The following PPP2CA variants were observed in gnomAD, a reference collection of about 807,000 sequenced individuals.
PPP2CA encodes serine/threonine-protein phosphatase 2A catalytic subunit alpha isoform.
A neutral mutation model predicts 38.8 loss-of-function variants in PPP2CA; 5 were observed. The observed-to-expected ratio is 0.13, with a 90% CI of 0.07 to 0.27. The LOEUF (loss-of-function observed/expected upper bound fraction) is 0.27. Ranked by LOEUF, PPP2CA falls within the 10% of genes least tolerant of loss-of-function variation. The pLI is 1.00. For missense variants in PPP2CA, 88 were observed against 389.7 expected (o/e 0.23, Z 6.52); for synonymous variants, 152 against 134.0 (o/e 1.13, Z -0.93).
Position 134,196,078 on chromosome 5 carries a change from A to G in PPP2CA, c.*1694T>C, listed in dbSNP as rs1047446795. On this transcript the variant is annotated 3_prime_UTR_variant, in exon 7 of 7. Transcript: ENST00000481195. ...ACAGAGAATGTATTTCTTGTGAAAG[A>G]AAAGAATGAAATGAAATGAAATGTA... is the stretch of plus-strand genomic sequence containing the variant. The G allele has an allele frequency of 5.3e-5, 8 of 152,238 alleles. No individual in the cohort carries two copies. The highest frequency in any genetic ancestry group is 1.7e-4 in the African/African-American group (7 of 41,456). The allele number at this position is 152,238 out of a possible 1,614,324, so 9.4% of individuals were successfully genotyped here.
intron 1 of PPP2CA, among the ~76,000 whole-genome samples, chr5:134,214,266 C>T (rs1039758452): frequency 6.6e-6 from 1 of 152,202 alleles, no homozygotes; most frequent in Non-Finnish European, 1.5e-5. Context: ...CCCACACAGA[C>T]CTCTTACTTA....
chr5:134,225,600 G>C, intron 1 of PPP2CA, 160 bp downstream of exon 1: 4 of 554,440 alleles, frequency 7.2e-6, no homozygotes, highest in South Asian at 2.5e-5. Context: ...AGGGGGCGCC[G>C]GGTCGTTAGG....
Position 134,201,136 on chromosome 5 carries a change from G to T in PPP2CA, c.487-62C>A. The T allele has an allele frequency of 4.7e-6, 6 of 1,289,590 alleles. No homozygotes were observed. In the South Asian group the frequency reaches 7.3e-5, roughly 16 times the overall value. The allele number at this position is 1,289,590 out of a possible 1,614,324, so 79.9% of individuals were successfully genotyped here. ...AAAATTTGTAAACATTCTTGGCTGG[G>T]CACAGTGGCTCATGCCTGTAACCCC... is the stretch of plus-strand genomic sequence containing the variant. On this transcript the variant is annotated intron_variant, in intron 3 of 6. Coordinates refer to ENST00000481195, the MANE Select transcript of PPP2CA (RefSeq NM_002715.4).
At chr5:134,197,884 C>G (rs1162005836) in intron 6 of PPP2CA, 40 bp from the exon 7 acceptor site, 1 of 1,529,474 alleles carries the variant, frequency 6.5e-7, no homozygotes, top group Non-Finnish European at 9.1e-7. Context: ...GTTCCACGAC[C>G]TCCATGTAGT....
In PPP2CA at chr5:134,195,981, C is replaced by T. The variant is rs1363589970; in HGVS notation, c.*1791G>A. On this transcript the variant is annotated 3_prime_UTR_variant, in exon 7 of 7. Coordinates refer to ENST00000481195, the MANE Select transcript of PPP2CA (RefSeq NM_002715.4). ...GTCTAGATTGTTTGGGTATTAAAAC[C>T]ACTGCACATGGATAAGCTATTTGTT... 1 of 152,136 alleles carries T rather than the reference C, an allele frequency of 6.6e-6. No homozygotes were observed. The highest frequency in any genetic ancestry group is 1.5e-5 in the Non-Finnish European group (1 of 68,018). The allele number at this position is 152,136 out of a possible 1,614,324, so 9.4% of individuals were successfully genotyped here.
At position 134,196,826 on chromosome 5, in the gene PPP2CA, G is replaced by C. The variant is rs1258036294; in HGVS notation, c.*946C>G. The C allele has an allele frequency of 6.6e-6, 1 of 152,420 alleles. No homozygotes were observed. Among genetic ancestry groups the C allele is most frequent in the African/African-American group, 2.4e-5 (1 of 41,444 alleles). 9.4% of individuals were successfully genotyped at this position (152,420 alleles called of 1,614,324 possible). A position where few individuals can be genotyped will look rare whatever the true frequency, so the allele number is the denominator to read the frequency against. Reference sequence around the variant, plus strand: ...AATTAAGTCTTACTGAAGCAGCACAGATTTCCTTTCTTACAAACAAGTTAA... The same window carrying C: ...AATTAAGTCTTACTGAAGCAGCACACATTTCCTTTCTTACAAACAAGTTAA... On this transcript the variant is annotated 3_prime_UTR_variant, in exon 7 of 7. Coordinates refer to ENST00000481195, the MANE Select transcript of PPP2CA (RefSeq NM_002715.4).
chr5:134,211,539 C>T (rs998188817), intron 1 of PPP2CA, among the ~76,000 whole-genome samples: 2 of 149,980 alleles, frequency 1.3e-5, no homozygotes, highest in African/African-American at 4.9e-5. Context: ...TGCAATGGTG[C>T]GATCTCGGTT....
intron 1 of PPP2CA, among the ~76,000 whole-genome samples, chr5:134,208,690 A>C (rs1448717956): frequency 6.6e-6 from 1 of 152,198 alleles, no homozygotes; most frequent in Non-Finnish European, 1.5e-5. Flanking sequence ...GGTATATTGA[A>C]TAGCTATCAT....
intron 2 of PPP2CA, 115 bp downstream of exon 2, chr5:134,205,807 C>G: frequency 1.1e-6 from 1 of 901,274 alleles, no homozygotes; most frequent in East Asian, 2.6e-5. Context: ...ATATGCATTC[C>G]TAAATGTGGA....
intron 1 of PPP2CA, chr5:134,225,499 T>TGGCG: frequency 2.4e-6 from 1 of 414,762 alleles, no homozygotes; most frequent in South Asian, 3.1e-5. Context: ...CCACCTCGTC[T>TGGCG]GGCGCCAAGG....
At chr5:134,205,370 T>A (rs575968575) in intron 2 of PPP2CA, among the ~76,000 whole-genome samples, 9 of 142,450 alleles carry the variant, frequency 6.3e-5, no homozygotes, top group African/African-American at 2.4e-4. Context: ...TGACCAGCCC[T>A]CTAACATTTT....
intron 5 of PPP2CA, among the ~76,000 whole-genome samples, chr5:134,199,788 C>CA (rs11372221): frequency 0.87 from 132,832 of 152,218 alleles, 58,297 homozygotes; most frequent in Middle Eastern, 0.92. Context: ...GTATTGTTCA[C>CA]AATTTCTTTA....
chr5:134,200,605 T>C (rs1761949587), intron 4 of PPP2CA, 109 bp from the exon 5 acceptor site: 1 of 1,190,586 alleles, frequency 8.4e-7, no homozygotes, highest in Non-Finnish European at 1.2e-6. Flanking sequence ...GAGTGATGTT[T>C]GTGGACAATG....
At chr5:134,199,828 C>T (rs1761936668) in intron 5 of PPP2CA, among the ~76,000 whole-genome samples, 1 of 152,140 alleles carries the variant, frequency 6.6e-6, no homozygotes, top group African/African-American at 2.4e-5. Flanking sequence ...TTATTGATAA[C>T]CACAGAGTTG....
intron 1 of PPP2CA, among the ~76,000 whole-genome samples, chr5:134,214,679 A>G (rs1762280024): frequency 6.6e-6 from 1 of 152,190 alleles, no homozygotes; most frequent in East Asian, 1.9e-4. Flanking sequence ...AATATTTTTG[A>G]ACATCTGATC....
At chr5:134,225,102 T>C (rs530260854) in intron 1 of PPP2CA, among the ~76,000 whole-genome samples, 1 of 152,308 alleles carries the variant, frequency 6.6e-6, no homozygotes, top group East Asian at 1.9e-4. Context: ...CCCGATTTCT[T>C]CCAACTATGA....
In PPP2CA at chr5:134,201,215, C is replaced by T. The variant is rs138680639; in HGVS notation, c.487-141G>A. 3.9e-4 allele frequency: 246 copies of T among 632,890 alleles called. 1 individual carries two copies. In the African/African-American group the frequency reaches 4.2e-3, roughly 11 times the overall value. The allele number at this position is 632,890 out of a possible 1,614,324, so 39.2% of individuals were successfully genotyped here. ...CTGCTTGAGGCCAGGAGTTTGAGACCAACCTGAGCAACACAGCAAGACCCT... is the reference window on the plus strand; with the variant it reads ...CTGCTTGAGGCCAGGAGTTTGAGACTAACCTGAGCAACACAGCAAGACCCT... On this transcript the variant is annotated intron_variant, in intron 3 of 6. Transcript: ENST00000481195.
intron 1 of PPP2CA, among the ~76,000 whole-genome samples, chr5:134,218,669 C>CTTTTTTTTTTTTTT (rs11400515): frequency 6.9e-6 from 1 of 144,456 alleles, no homozygotes; most frequent in Non-Finnish European, 1.5e-5. Flanking sequence ...TTGTTTCTTT[C>CTTTTTTTTTTTTTT]TTTTTTTTTT....
At chr5:134,221,303 G>T (rs374738014) in intron 1 of PPP2CA, among the ~76,000 whole-genome samples, 1 of 152,232 alleles carries the variant, frequency 6.6e-6, no homozygotes, top group South Asian at 2.1e-4. Context: ...AAGTAGAGAC[G>T]GGGCTTCACC....
Sources: allele counts gnomAD v4.1 joint callset (sites outside exome capture counted in the v4.1 genomes callset), GRCh38; gene constraint gnomAD v4.1.1; transcripts MANE v1.5; gene names NCBI Gene and HGNC (gene_info 2026-07-23, HGNC 2026-07-21).